Variants in DNAJC10 observed in about 807,000 individuals in gnomAD.
The protein encoded by DNAJC10 is endoplasmic reticulum disulfide reductase DNAJC10.
In DNAJC10, 101 loss-of-function variants were observed where a neutral mutation model predicts 115.0. The ratio of observed to expected loss-of-function variants is 0.88; its 90% CI spans 0.75 to 1.04. The LOEUF (loss-of-function observed/expected upper bound fraction) is 1.04. DNAJC10 is among the 50% of genes least tolerant of loss of function. The probability of loss-of-function intolerance (pLI) is 0.00; values close to 1 mark genes in which losing one functional copy is unlikely to be tolerated. For missense variants in DNAJC10, 981 were observed against 928.8 expected (o/e 1.06, Z -0.73); for synonymous variants, 307 against 301.5 (o/e 1.02, Z -0.19).
Position 182,785,777 on chromosome 2 carries a change from A to G in DNAJC10, c.*8645A>G, listed in dbSNP as rs892818547. The G allele has an allele frequency of 6.6e-5, 10 of 152,200 alleles. No individual in the cohort carries two copies. Among genetic ancestry groups the G allele is most frequent in the African/African-American group, 2.4e-4 (10 of 41,466 alleles). The allele number at this position is 152,200 out of a possible 1,614,324, so 9.4% of individuals were successfully genotyped here. ...GACTATTGTATACATTTATATATAC[A>G]TAGATCTATAGAGACAGTAGGATAT... On this transcript the variant is annotated 3_prime_UTR_variant, in exon 24 of 24. Coordinates refer to ENST00000264065, the MANE Select transcript of DNAJC10 (RefSeq NM_018981.4).
rs148694192 is a variant in DNAJC10, at chr2:182,727,881, C to T, written c.419-695C>T. On this transcript the variant is annotated intron_variant, in intron 5 of 23. Coordinates refer to ENST00000264065, the MANE Select transcript of DNAJC10 (RefSeq NM_018981.4). Reference sequence around the variant, plus strand: ...GTAAAATTTGTAATTTGCATCAGGTCATTTTACAGATAAAATATAAAATGT... The same window carrying T: ...GTAAAATTTGTAATTTGCATCAGGTTATTTTACAGATAAAATATAAAATGT... Among the ~76,000 whole-genome samples the T allele has an allele frequency of 2.0e-4, 30 of 152,222 alleles. No individual in the cohort carries two copies. The East Asian group carries it at 5.0e-3, about 25-fold the overall frequency.
rs746725093 is a variant in DNAJC10, at chr2:182,718,078, A to C, written c.-9A>C. 6.3e-7 allele frequency: 1 copy of C among 1,581,498 alleles called. No individual in the cohort carries two copies. The highest frequency in any genetic ancestry group is 1.8e-5 in the Admixed American group (1 of 55,736). ...GTTCACTTAAATCAGAACTTGCATA[A>C]GAAAGAGAATGGGAGTCTGGTTAAA... On this transcript the variant is annotated 5_prime_UTR_variant, in exon 3 of 24. Transcript: ENST00000264065.
intron 13 of DNAJC10, among the ~76,000 whole-genome samples, chr2:182,742,842 G>T (rs372017170): frequency 5.7e-4 from 84 of 147,946 alleles, no homozygotes; most frequent in African/African-American, 2.1e-3. Flanking sequence ...CTTTTTCTTT[G>T]TTTTTTTTTC....
chr2:182,718,901 AT>A (rs926577924), intron 3 of DNAJC10, among the ~76,000 whole-genome samples: 21 of 152,216 alleles, frequency 1.4e-4, no homozygotes, highest in Admixed American at 1.4e-3. Flanking sequence ...TCTTAGTGAG[AT>A]TTAGCGTTCA....
chr2:182,770,270 T>G (rs1694526072), intron 22 of DNAJC10, among the ~76,000 whole-genome samples: 2 of 152,352 alleles, frequency 1.3e-5, no homozygotes, highest in South Asian at 4.1e-4. Context: ...CTTTGTTCTT[T>G]TTGCTTAGGA....
In DNAJC10 at chr2:182,773,726, C is replaced by T. The variant is rs541311097; in HGVS notation, c.2266-1590C>T. ...ACACTGTTTATTCTAGTTAGCCATTCGTCTAATCTTTTTTCAAGGTTTTTA... is the reference window on the plus strand; with the variant it reads ...ACACTGTTTATTCTAGTTAGCCATTTGTCTAATCTTTTTTCAAGGTTTTTA... On this transcript the variant is annotated intron_variant, in intron 22 of 23. Coordinates refer to ENST00000264065, the MANE Select transcript of DNAJC10 (RefSeq NM_018981.4). Among the ~76,000 whole-genome samples the T allele has an allele frequency of 3.9e-5, 6 of 152,256 alleles. No homozygotes were observed. In the East Asian group the frequency reaches 7.7e-4, roughly 20 times the overall value.
At chr2:182,718,352 T>G in intron 3 of DNAJC10, 62 bp downstream of exon 3, 1 of 1,235,660 alleles carries the variant, frequency 8.1e-7, no homozygotes. Context: ...TGATATTTAT[T>G]TAAATTGCTT....
At chr2:182,738,264 C>CTGTTCAGTT (rs879554899) in intron 11 of DNAJC10, among the ~76,000 whole-genome samples, 203 of 152,148 alleles carry the variant, frequency 1.3e-3, no homozygotes, top group Non-Finnish European at 2.6e-3. Flanking sequence ...AGAATGGGAG[C>CTGTTCAGTT]ATTGTGGCCA....
At chr2:182,728,473 C>A (rs1458567525) in intron 5 of DNAJC10, 103 bp from the exon 6 acceptor site, 5 of 659,466 alleles carry the variant, frequency 7.6e-6, no homozygotes, top group Admixed American at 2.9e-5. Flanking sequence ...ATGAAAATTG[C>A]ATGACTTTTT....
intron 11 of DNAJC10, 24 bp from the exon 12 acceptor site, chr2:182,740,275 T>C: frequency 7.4e-7 from 1 of 1,348,092 alleles, no homozygotes; most frequent in Non-Finnish European, 1.0e-6. Flanking sequence ...TCAAAAAGAT[T>C]ACAATGTGAT....
rs1322523573 is a variant in DNAJC10, at chr2:182,792,608, T to G, written c.*15476T>G. ...TCCATCTAAATGCATGCCAGTTTCT[T>G]TCTTGATAAATTAGAGGCCTATAAC... is the stretch of plus-strand genomic sequence containing the variant. On this transcript the variant is annotated 3_prime_UTR_variant, in exon 24 of 24. Transcript: ENST00000264065. 2.6e-5 allele frequency: 4 copies of G among 152,362 alleles called. No homozygotes were observed. The highest frequency in any genetic ancestry group is 9.6e-5 in the African/African-American group (4 of 41,596). The allele number at this position is 152,362 out of a possible 1,614,324, so 9.4% of individuals were successfully genotyped here. A position where few individuals can be genotyped will look rare whatever the true frequency, so the allele number is the denominator to read the frequency against.
At chr2:182,776,255 A>G (rs1343199084) in intron 23 of DNAJC10, among the ~76,000 whole-genome samples, 2 of 152,138 alleles carry the variant, frequency 1.3e-5, no homozygotes, top group East Asian at 1.9e-4. Context: ...TTGAATAGCA[A>G]ATTTTCTTTT....
At chr2:182,719,088 TTTTC>T (rs1345541634) in intron 3 of DNAJC10, among the ~76,000 whole-genome samples, 1 of 151,874 alleles carries the variant, frequency 6.6e-6, no homozygotes, top group Non-Finnish European at 1.5e-5. Context: ...TTTTTTTAAT[TTTTC>T]TTTAAAATTT....
chr2:182,728,680 A>C (rs548090700), intron 6 of DNAJC10, 22 bp downstream of exon 6: 2 of 1,589,460 alleles, frequency 1.3e-6, no homozygotes, highest in Non-Finnish European at 8.6e-7. Context: ...TCACATCCTC[A>C]TTACTAGTTT....
intron 5 of DNAJC10, among the ~76,000 whole-genome samples, chr2:182,724,497 C>T (rs1274896659): frequency 2.0e-5 from 3 of 152,084 alleles, no homozygotes; most frequent in African/African-American, 7.2e-5. Flanking sequence ...TCAGAAATTA[C>T]AGTAAGACAT....
At chr2:182,759,135 A>G (rs753805888) in intron 20 of DNAJC10, 25 bp from the exon 21 acceptor site, 7 of 1,556,010 alleles carry the variant, frequency 4.5e-6, no homozygotes, top group South Asian at 3.6e-5. Context: ...ATATAATGAA[A>G]AATGATTTTG....
intron 21 of DNAJC10, among the ~76,000 whole-genome samples, 172 bp from the exon 22 acceptor site, chr2:182,762,510 A>C (rs1694310842): frequency 6.6e-6 from 1 of 152,140 alleles, no homozygotes; most frequent in South Asian, 2.1e-4. Context: ...AGGTGGTGCT[A>C]GGTGAATAGG....
At chr2:182,738,255 GA>G (rs879620647) in intron 11 of DNAJC10, among the ~76,000 whole-genome samples, 203 of 152,218 alleles carry the variant, frequency 1.3e-3, no homozygotes, top group Non-Finnish European at 2.6e-3. Flanking sequence ...TATCTGTTTA[GA>G]ATGGGAGCAT....
chr2:182,719,902 TG>T (rs1693104262), intron 3 of DNAJC10, 104 bp from the exon 4 acceptor site: 1 of 595,016 alleles, frequency 1.7e-6, no homozygotes, highest in Non-Finnish European at 2.8e-6. Flanking sequence ...TGTTGGTATA[TG>T]GTCTCCCAGA....
Sources: gnomAD v4.1 joint callset for allele counts (sites outside exome capture counted in the v4.1 genomes callset) on GRCh38, gnomAD v4.1.1 for gene constraint, MANE v1.5 for transcripts, NCBI Gene and HGNC (gene_info 2026-07-23, HGNC 2026-07-21) for gene names.